The following NEBL variants were observed in gnomAD, a reference collection of about 807,000 sequenced individuals.
The protein encoded by NEBL is LIM and SH3 protein 2.
In NEBL, 122 loss-of-function variants were observed where a neutral mutation model predicts 140.2. That is an observed-to-expected ratio of 0.87 (90% CI 0.75 to 1.01). NEBL has a LOEUF of 1.01. Among genes scored for constraint, NEBL ranks in the 50% least tolerant of loss-of-function variants. The pLI is 0.00. For missense variants in NEBL, 1,365 were observed against 1,231.3 expected (o/e 1.11, Z -1.62); for synonymous variants, 436 against 398.9 (o/e 1.09, Z -1.11).
chr10:21,241,414 C>G (rs1333175952), intron 3 of NEBL, among the ~76,000 whole-genome samples: 1 of 152,140 alleles, frequency 6.6e-6, no homozygotes, highest in Non-Finnish European at 1.5e-5. Flanking sequence ...TGTGGCTGTT[C>G]TGCTTCCTGT....
At chr10:20,823,172 T>C (rs762328689) in intron 19 of NEBL, 36 bp downstream of exon 19, 1 of 1,482,090 alleles carries the variant, frequency 6.7e-7, no homozygotes. Flanking sequence ...TGATATACAA[T>C]AAAATTTTTA....
chr10:21,194,235 G>C (rs1452402105), intron 3 of NEBL, among the ~76,000 whole-genome samples: 2 of 152,008 alleles, frequency 1.3e-5, no homozygotes, highest in Non-Finnish European at 2.9e-5. Flanking sequence ...GCTTCCCAAA[G>C]TACTGGGATT....
At chr10:20,999,442 T>A (rs1564475349) in intron 3 of NEBL, among the ~76,000 whole-genome samples, 1 of 151,988 alleles carries the variant, frequency 6.6e-6, no homozygotes, top group East Asian at 1.9e-4. Flanking sequence ...ACTAAAAATT[T>A]AAAAATATTA....
chr10:21,160,693 T>G (rs899035764), intron 2 of NEBL, among the ~76,000 whole-genome samples: 1 of 152,142 alleles, frequency 6.6e-6, no homozygotes, highest in African/African-American at 2.4e-5. Context: ...GAGTTATTTT[T>G]AAAGTTCTGG....
intron 1 of NEBL, among the ~76,000 whole-genome samples, chr10:21,288,270 C>G (rs948033633): frequency 6.6e-6 from 1 of 151,994 alleles, no homozygotes; most frequent in Non-Finnish European, 1.5e-5. Context: ...GAGTTCGAGA[C>G]CAGCCTGGCC....
At chr10:20,972,890 A>T (rs532550592) in intron 3 of NEBL, among the ~76,000 whole-genome samples, 36 of 152,236 alleles carry the variant, frequency 2.4e-4, no homozygotes, top group Non-Finnish European at 4.1e-4. Flanking sequence ...TTACTGCTGA[A>T]TTTCATTTAA....
chr10:20,996,494 C>T (rs1185205025), intron 3 of NEBL, among the ~76,000 whole-genome samples: 1 of 152,154 alleles, frequency 6.6e-6, no homozygotes, highest in African/African-American at 2.4e-5. Context: ...TTATCACCAA[C>T]CTCACAATAA....
At chr10:21,283,490 G>A (rs1443264264) in intron 1 of NEBL, among the ~76,000 whole-genome samples, 3 of 152,060 alleles carry the variant, frequency 2.0e-5, no homozygotes, top group East Asian at 1.9e-4. Flanking sequence ...TATTTGTTGC[G>A]TGAGATCCAA....
At position 21,079,353 on chromosome 10, in the gene NEBL, T is replaced by C. The variant is rs1536554; in HGVS notation, c.165-59152A>G. On this transcript the variant is annotated intron_variant, in intron 2 of 6. Transcript: ENST00000417816. ...GGGAGCACAAATCTTTGGTAGGCTC[T>C]CATTTCTGTGATTTATTTGGCAGGT... is the stretch of plus-strand genomic sequence containing the variant. 7.3e-4 allele frequency among the ~76,000 whole-genome samples: 111 copies of C among 152,372 alleles called. 3 individuals are homozygous for C. Among genetic ancestry groups the C allele is most frequent in the Admixed American group, 6.3e-3 (97 of 15,310 alleles).
intron 3 of NEBL, among the ~76,000 whole-genome samples, chr10:21,015,465 C>T (rs74122604): frequency 3.5e-4 from 53 of 152,296 alleles, no homozygotes; most frequent in African/African-American, 1.2e-3. Context: ...TGCTTTCTAC[C>T]ACATGATATT....
chr10:20,789,951 G>A (rs1835805493), intron 26 of NEBL, among the ~76,000 whole-genome samples: 1 of 149,672 alleles, frequency 6.7e-6, no homozygotes, highest in Non-Finnish European at 1.5e-5. Flanking sequence ...ATATATGTGT[G>A]TGTATATATA....
intron 3 of NEBL, among the ~76,000 whole-genome samples, chr10:21,213,791 C>A (rs1564543680): frequency 6.7e-6 from 1 of 148,538 alleles, no homozygotes; most frequent in Non-Finnish European, 1.5e-5. Flanking sequence ...TGCAAATATT[C>A]CTCTCTTAAA....
At chr10:21,275,807 A>ATTTTTTTTTTT (rs959684198) in intron 1 of NEBL, among the ~76,000 whole-genome samples, 40 of 113,772 alleles carry the variant, frequency 3.5e-4, no homozygotes, top group African/African-American at 6.3e-4. Context: ...CACCCAGCTA[A>ATTTTTTTTTTT]TTTTTTTTTT....
At chr10:21,230,762 G>A (rs1842238316) in intron 3 of NEBL, among the ~76,000 whole-genome samples, 1 of 152,012 alleles carries the variant, frequency 6.6e-6, no homozygotes, top group African/African-American at 2.4e-5. Context: ...CCACCGCCAA[G>A]CCCAGCTAAT....
chr10:20,801,844 G>A (rs1201854249), intron 26 of NEBL, among the ~76,000 whole-genome samples: 1 of 152,130 alleles, frequency 6.6e-6, no homozygotes, highest in Non-Finnish European at 1.5e-5. Context: ...TGAAACGCCG[G>A]AAGCATAGCC....
At chr10:21,179,287 C>G (rs1841350087), upstream of NEBL, among the ~76,000 whole-genome samples, 1 of 152,124 alleles carries the variant, frequency 6.6e-6, no homozygotes. Context: ...TTATAGTTCC[C>G]CTTAACTACT....
chr10:21,269,918 T>G (rs1181148671), intron 1 of NEBL, among the ~76,000 whole-genome samples: 1 of 152,196 alleles, frequency 6.6e-6, no homozygotes, highest in Non-Finnish European at 1.5e-5. Flanking sequence ...GCTAGGAAAA[T>G]GGGTCAATGT....
At chr10:21,054,471 G>A (rs976855020) in intron 2 of NEBL, among the ~76,000 whole-genome samples, 5 of 152,160 alleles carry the variant, frequency 3.3e-5, no homozygotes, top group African/African-American at 1.2e-4. Flanking sequence ...TTAAGCAGCT[G>A]TACTGCCTCT....
intron 1 of NEBL, among the ~76,000 whole-genome samples, chr10:21,266,568 C>T (rs1378642392): frequency 1.3e-5 from 2 of 152,254 alleles, no homozygotes; most frequent in Non-Finnish European, 2.9e-5. Context: ...AGGCTCTTCC[C>T]TCACCTGAGT....
Sources: gnomAD v4.1 joint callset for allele counts (sites outside exome capture counted in the v4.1 genomes callset) on GRCh38, gnomAD v4.1.1 for gene constraint, MANE v1.5 for transcripts, NCBI Gene and HGNC (gene_info 2026-07-23, HGNC 2026-07-21) for gene names.